The following MEI4 variants were observed in gnomAD, a reference collection of about 807,000 sequenced individuals.
The protein encoded by MEI4 is meiotic double-stranded break formation protein 4.
Under a neutral mutation model 31.4 loss-of-function variants are expected in MEI4, and 27 were observed. That is an observed-to-expected ratio of 0.86 (90% CI 0.63 to 1.19). MEI4 has a LOEUF of 1.19. Ranked by LOEUF, MEI4 falls within the 50% of genes most tolerant of loss-of-function variation. The pLI is 0.00. For synonymous variants in MEI4, 122 were observed against 145.4 expected (o/e 0.84, Z 1.16); for missense variants, 329 against 398.9 (o/e 0.82, Z 1.49).
At chr6:77,895,986 G>A (rs1342298235) in intron 4 of MEI4, among the ~76,000 whole-genome samples, 1 of 151,992 alleles carries the variant, frequency 6.6e-6, no homozygotes, top group East Asian at 1.9e-4. Context: ...ACTAACAAAC[G>A]ATCTATTTAC....
At position 77,711,040 on chromosome 6, in the gene MEI4, T is replaced by C. The variant is rs76962903; in HGVS notation, c.232+20137T>C. ...TCTACTTCTATGAGATCAGCTTTTT[T>C]AGATTCCACATATAAGTGAGATGAT... On this transcript the variant is annotated intron_variant, in intron 2 of 4. Transcript: ENST00000684080. Among the ~76,000 whole-genome samples the C allele has an allele frequency of 4.4e-4, 67 of 152,346 alleles. 1 individual carries two copies. The East Asian group carries it at 0.012, about 27-fold the overall frequency.
intron 3 of MEI4, among the ~76,000 whole-genome samples, chr6:77,802,922 A>G (rs1769310454): frequency 6.6e-6 from 1 of 151,868 alleles, no homozygotes; most frequent in Non-Finnish European, 1.5e-5. Flanking sequence ...CTTCATTTCA[A>G]CTTTGGTGAA....
chr6:77,825,541 A>G (rs1769923220), intron 3 of MEI4, among the ~76,000 whole-genome samples: 1 of 152,194 alleles, frequency 6.6e-6, no homozygotes, highest in African/African-American at 2.4e-5. Context: ...ACCTTTATGA[A>G]GGTGCCCACC....
In MEI4 at chr6:77,706,089, A is replaced by G. The variant is rs541733652; in HGVS notation, c.232+15186A>G. On this transcript the variant is annotated intron_variant, in intron 2 of 4. Coordinates refer to ENST00000684080, the MANE Select transcript of MEI4 (RefSeq NM_001322247.2). Reference sequence around the variant, plus strand: ...CTTTCTCCCACTCCTCTTTCTCCCCAAGGCAGGCCATAGAAACTAGAATTA... The same window carrying G: ...CTTTCTCCCACTCCTCTTTCTCCCCGAGGCAGGCCATAGAAACTAGAATTA... 1.4e-4 allele frequency among the ~76,000 whole-genome samples: 22 copies of G among 152,272 alleles called. No individual in the cohort carries two copies. The East Asian group carries it at 4.1e-3, about 28-fold the overall frequency.
At chr6:77,836,022 G>C (rs185143110) in intron 4 of MEI4, among the ~76,000 whole-genome samples, 1 of 151,946 alleles carries the variant, frequency 6.6e-6, no homozygotes, top group Non-Finnish European at 1.5e-5. Flanking sequence ...CACTTTCACT[G>C]CGTGTATACT....
In MEI4 at chr6:77,653,044, G is replaced by A. The variant is rs911071553; in HGVS notation, c.-63G>A. Among the ~76,000 whole-genome samples the A allele has an allele frequency of 6.6e-6, 1 of 152,138 alleles. No homozygotes were observed. Among genetic ancestry groups the A allele is most frequent in the Non-Finnish European group, 1.5e-5 (1 of 68,024 alleles). ...AAGTCAGCCCTCCCACCCCTGATGA[G>A]GCGTTCTCTTGCCCTGTTATCATCT... On this transcript the variant is annotated 5_prime_UTR_variant, in exon 1 of 5. Transcript: ENST00000684080.
rs1404832888 is a variant in MEI4 at position 77,696,325 on chromosome 6, G to T, written c.232+5422G>T. ...TGTTGAATAGGAGTGGTGAGAGAGG[G>T]CATCCCTGTCTTGTGCCAGTTTTCA... is the stretch of plus-strand genomic sequence containing the variant. On this transcript the variant is annotated intron_variant, in intron 2 of 4. Coordinates refer to ENST00000684080, the MANE Select transcript of MEI4 (RefSeq NM_001322247.2). Among the ~76,000 whole-genome samples, 12 of 152,114 alleles carry T rather than the reference G, an allele frequency of 7.9e-5. No individual in the cohort carries two copies. The East Asian group carries it at 2.1e-3, about 27-fold the overall frequency.
Position 77,897,678 on chromosome 6 carries a change from C to A in MEI4, c.901-25411C>A, listed in dbSNP as rs183045739. Among the ~76,000 whole-genome samples, 219 of 152,030 alleles carry A rather than the reference C, an allele frequency of 1.4e-3. 1 individual carries two copies. The Middle Eastern group carries it at 0.017, about 12-fold the overall frequency. ...CATATTAGACATAAACCCTTTAGAA[C>A]TAGTCTCATGGATTCAACATTTTAG... On this transcript the variant is annotated intron_variant, in intron 4 of 4. Transcript: ENST00000684080.
rs1304907117 is a variant in MEI4, at chr6:77,733,827, A to G, written c.233-27303A>G. Among the ~76,000 whole-genome samples, 201 of 151,948 alleles carry G rather than the reference A, an allele frequency of 1.3e-3. 3 individuals are homozygous for G. Among genetic ancestry groups the G allele is most frequent in the African/African-American group, 4.3e-3 (178 of 41,330 alleles). On this transcript the variant is annotated intron_variant, in intron 2 of 4. Transcript: ENST00000684080. ...TGTCCCAGAGATTCTGGTATGTTGT[A>G]TGTTTGTTCTTATTGGTTTCAAAGA...
chr6:77,908,420 T>G (rs921788833), intron 4 of MEI4, among the ~76,000 whole-genome samples: 15 of 152,250 alleles, frequency 9.9e-5, no homozygotes, highest in African/African-American at 3.4e-4. Context: ...TTTCCCCATT[T>G]CTTGTTTTTG....
intron 2 of MEI4, among the ~76,000 whole-genome samples, chr6:77,750,485 A>G (rs1238936496): frequency 6.6e-6 from 1 of 152,208 alleles, no homozygotes; most frequent in Non-Finnish European, 1.5e-5. Flanking sequence ...CTCTGATAAA[A>G]CAGACTTTAA....
intron 4 of MEI4, among the ~76,000 whole-genome samples, chr6:77,854,832 TC>T (rs1770709409): frequency 6.6e-6 from 1 of 152,142 alleles, no homozygotes; most frequent in Non-Finnish European, 1.5e-5. Context: ...GGTATAGGTA[TC>T]ATTTCCTCTG....
chr6:77,710,693 C>A (rs1443922527), intron 2 of MEI4, among the ~76,000 whole-genome samples: 1 of 151,996 alleles, frequency 6.6e-6, no homozygotes, highest in African/African-American at 2.4e-5. Context: ...GACTCTCAAC[C>A]CTAGCTCTGC....
At chr6:77,815,528 T>C (rs554330024) in intron 3 of MEI4, among the ~76,000 whole-genome samples, 4 of 152,202 alleles carry the variant, frequency 2.6e-5, no homozygotes, top group African/African-American at 9.6e-5. Context: ...GAATGATGAG[T>C]TGACTTTTTC....
intron 1 of MEI4, among the ~76,000 whole-genome samples, chr6:77,662,510 G>A (rs113854660): frequency 1.3e-5 from 2 of 152,300 alleles, no homozygotes; most frequent in African/African-American, 4.8e-5. Flanking sequence ...GAGCCGGGGA[G>A]CAGAAAGTGT....
intron 3 of MEI4, among the ~76,000 whole-genome samples, chr6:77,764,185 G>A (rs567064116): frequency 6.6e-6 from 1 of 152,026 alleles, no homozygotes; most frequent in South Asian, 2.1e-4. Context: ...TGTTTCTTTC[G>A]ATTCAGTTTT....
At chr6:77,741,944 T>C (rs1767417876) in intron 2 of MEI4, among the ~76,000 whole-genome samples, 1 of 152,008 alleles carries the variant, frequency 6.6e-6, no homozygotes, top group African/African-American at 2.4e-5. Context: ...ACAAAGGACA[T>C]GAACTCATCA....
At chr6:77,788,434 A>T (rs1768810200) in intron 3 of MEI4, among the ~76,000 whole-genome samples, 1 of 152,234 alleles carries the variant, frequency 6.6e-6, no homozygotes, top group South Asian at 2.1e-4. Flanking sequence ...AATAAAGGGC[A>T]TTCAATTAGG....
At chr6:77,757,093 TTCTC>T (rs1767935799) in intron 2 of MEI4, among the ~76,000 whole-genome samples, 3 of 152,346 alleles carry the variant, frequency 2.0e-5, no homozygotes, top group African/African-American at 7.2e-5. Flanking sequence ...GTGTGGCTCT[TTCTC>T]AGTTCTCTTA....
Sources: allele counts gnomAD v4.1 joint callset (sites outside exome capture counted in the v4.1 genomes callset), GRCh38; gene constraint gnomAD v4.1.1; transcripts MANE v1.5; gene names NCBI Gene and HGNC (gene_info 2026-07-23, HGNC 2026-07-21).